ZCWPW2: variants seen among roughly 807,000 people sequenced by gnomAD.
ZCWPW2 encodes zinc finger CW-type PWWP domain protein 2.
Under a neutral mutation model 46.6 loss-of-function variants are expected in ZCWPW2, and 45 were observed. That is an observed-to-expected ratio of 0.96 (90% CI 0.76 to 1.24). The LOEUF is 1.24. ZCWPW2 is among the 50% of genes most tolerant of loss of function. The pLI, the probability that ZCWPW2 is intolerant of heterozygous loss-of-function variation, is 0.00. For missense variants in ZCWPW2, 429 were observed against 403.9 expected (o/e 1.06, Z -0.53); for synonymous variants, 152 against 137.1 (o/e 1.11, Z -0.76).
intron 4 of ZCWPW2, among the ~76,000 whole-genome samples, chr3:28,435,688 G>A (rs1342091670): frequency 2.6e-5 from 4 of 151,918 alleles, no homozygotes; most frequent in South Asian, 2.1e-4. Flanking sequence ...GGGTTTCACC[G>A]TGTTTGGCAG....
At chr3:28,470,217 G>A (rs1209738893) in intron 4 of ZCWPW2, among the ~76,000 whole-genome samples, 3 of 152,102 alleles carry the variant, frequency 2.0e-5, no homozygotes, top group African/African-American at 7.2e-5. Flanking sequence ...AATTTAGGCC[G>A]GGTGCAGTGG....
intron 2 of ZCWPW2, among the ~76,000 whole-genome samples, chr3:28,391,375 A>G (rs1401354723): frequency 1.1e-5 from 1 of 93,292 alleles, no homozygotes; most frequent in Non-Finnish European, 2.9e-5. Flanking sequence ...ACACACACAC[A>G]CATGCACACA....
intron 1 of ZCWPW2, among the ~76,000 whole-genome samples, chr3:28,378,578 G>C (rs1705572734): frequency 6.6e-6 from 1 of 152,022 alleles, no homozygotes; most frequent in South Asian, 2.1e-4. Context: ...TCATTTAACT[G>C]ACTTGCCTTA....
At position 28,521,111 on chromosome 3, in the gene ZCWPW2, G is replaced by A; in HGVS notation, c.904G>A (p.Glu302Lys). ...ACATGGAGAGGAAATAAATATGGGAGAAAAGGTAATATTGATAGTTATTTT... is the reference window on the plus strand; with the variant it reads ...ACATGGAGAGGAAATAAATATGGGAAAAAAGGTAATATTGATAGTTATTTT... Reference protein sequence around the residue: ...EGHGEEINMGEKLSKCSPEAP... With the variant: ...EGHGEEINMGKKLSKCSPEAP... The change falls in exon 9 of 10, where the codon GAA becomes AAA. Residue 302 changes from glutamate to lysine, a missense_variant. Physicochemically the swap from Glu to Lys is moderately conservative, Grantham distance 56. Coordinates refer to ENST00000383768, the MANE Select transcript of ZCWPW2 (RefSeq NM_001040432.4). 1 of 1,599,634 alleles carries A rather than the reference G, an allele frequency of 6.3e-7. No homozygotes were observed. The highest frequency in any genetic ancestry group is 8.5e-7 in the Non-Finnish European group (1 of 1,175,830).
chr3:28,377,726 C>CA (rs548310684), intron 1 of ZCWPW2, among the ~76,000 whole-genome samples: 228 of 152,160 alleles, frequency 1.5e-3, no homozygotes, highest in Middle Eastern at 3.4e-3. Context: ...TATTTGAAGA[C>CA]AGTCTGAAGA....
chr3:28,503,504 CA>C (rs771545149), intron 6 of ZCWPW2, among the ~76,000 whole-genome samples: 1 of 151,970 alleles, frequency 6.6e-6, no homozygotes, highest in Non-Finnish European at 1.5e-5. Context: ...CCATCAAAAC[CA>C]AAACCAGTAT....
chr3:28,526,305 C>T lies in ZCWPW2; in HGVS notation c.*1617C>T, dbSNP rs1365909701. On this transcript the variant is annotated 3_prime_UTR_variant, in exon 10 of 10. Transcript: ENST00000383768. Reference sequence around the variant, plus strand: ...CTGTTATATCATTTAATCTACTACTCATCAATATCAGAGTTCTTTCTTTCT... The same window carrying T: ...CTGTTATATCATTTAATCTACTACTTATCAATATCAGAGTTCTTTCTTTCT... 1.3e-5 allele frequency among the ~76,000 whole-genome samples: 2 copies of T among 152,146 alleles called. No individual in the cohort carries two copies. Among genetic ancestry groups the T allele is most frequent in the East Asian group, 1.9e-4 (1 of 5,196 alleles).
chr3:28,461,292 C>A (rs998352370), intron 4 of ZCWPW2, among the ~76,000 whole-genome samples: 3 of 152,000 alleles, frequency 2.0e-5, no homozygotes, highest in African/African-American at 4.8e-5. Context: ...ATACTAAGAA[C>A]ATTTGATTGA....
chr3:28,448,027 ATTG>A, intron 4 of ZCWPW2: 1 of 377,246 alleles, frequency 2.7e-6, no homozygotes, highest in African/African-American at 2.0e-5. Flanking sequence ...GGAGCAGAAA[ATTG>A]TTGTGAAATT....
In ZCWPW2 at chr3:28,513,206, G is replaced by C. The variant is rs1325831440; in HGVS notation, c.658-858G>C. On this transcript the variant is annotated intron_variant, in intron 6 of 9. Coordinates refer to ENST00000383768, the MANE Select transcript of ZCWPW2 (RefSeq NM_001040432.4). ...TTTTTCTTCTCCAAATGATCTATAT[G>C]CTCTTAATACTTGTGAATTACAAAG... Among the ~76,000 whole-genome samples, 5 of 152,022 alleles carry C rather than the reference G, an allele frequency of 3.3e-5. No individual in the cohort carries two copies. In the East Asian group the frequency reaches 5.8e-4, roughly 18 times the overall value.
At chr3:28,385,058 A>T (rs1455189557) in intron 1 of ZCWPW2, among the ~76,000 whole-genome samples, 1 of 152,244 alleles carries the variant, frequency 6.6e-6, no homozygotes, top group East Asian at 1.9e-4. Flanking sequence ...TTATTGTAAG[A>T]ATCACAAATA....
At chr3:28,388,885 G>A (rs1695380053) in intron 1 of ZCWPW2, among the ~76,000 whole-genome samples, 1 of 152,054 alleles carries the variant, frequency 6.6e-6, no homozygotes, top group Non-Finnish European at 1.5e-5. Context: ...CACAGTACGT[G>A]GTAATACTGA....
At chr3:28,372,601 T>C (rs1472978713) in intron 1 of ZCWPW2, among the ~76,000 whole-genome samples, 3 of 152,200 alleles carry the variant, frequency 2.0e-5, no homozygotes, top group Non-Finnish European at 4.4e-5. Context: ...ATTTACAACC[T>C]TTTTTGGCAA....
chr3:28,422,422 G>T (rs556250994), intron 3 of ZCWPW2, among the ~76,000 whole-genome samples: 19 of 151,856 alleles, frequency 1.3e-4, no homozygotes, highest in South Asian at 6.2e-4. Context: ...TCTTTCTACC[G>T]TCTTCATAGT....
chr3:28,474,832 TTGTTG>T lies in ZCWPW2; in HGVS notation c.493-3980_493-3976del, dbSNP rs1398593977. ...GTTGTTGTTGTTGTTGTTGTTGTTGTTGTTGTTGTTTGTTTGAGACGGAGTCTCGC... is the reference window on the plus strand; with the variant it reads ...GTTGTTGTTGTTGTTGTTGTTGTTGTTTGTTTGTTTGAGACGGAGTCTCGC... On this transcript the variant is annotated intron_variant, in intron 4 of 9. Coordinates refer to ENST00000383768, the MANE Select transcript of ZCWPW2 (RefSeq NM_001040432.4). Among the ~76,000 whole-genome samples, 10 of 150,048 alleles carry T rather than the reference TTGTTG, an allele frequency of 6.7e-5. No homozygotes were observed. In the East Asian group the frequency reaches 2.0e-3, roughly 30 times the overall value.
At chr3:28,473,967 G>C (rs374520074) in intron 4 of ZCWPW2, among the ~76,000 whole-genome samples, 2 of 152,060 alleles carry the variant, frequency 1.3e-5, no homozygotes, top group Admixed American at 6.6e-5. Flanking sequence ...TAGCACAAAA[G>C]GGTGACTATA....
chr3:28,421,639 A>G (rs1696794415), intron 3 of ZCWPW2, among the ~76,000 whole-genome samples: 1 of 151,950 alleles, frequency 6.6e-6, no homozygotes, highest in Non-Finnish European at 1.5e-5. Context: ...TGAGGAATAT[A>G]AAGTGCAAGA....
At chr3:28,359,490 TA>T (rs1289815607) in intron 1 of ZCWPW2, among the ~76,000 whole-genome samples, 2 of 152,032 alleles carry the variant, frequency 1.3e-5, no homozygotes, top group African/African-American at 4.8e-5. Flanking sequence ...TGGATAAAAA[TA>T]ATAGCTTGAG....
intron 8 of ZCWPW2, 118 bp downstream of exon 8, chr3:28,515,739 G>A: frequency 6.4e-6 from 5 of 787,144 alleles, no homozygotes; most frequent in Non-Finnish European, 9.9e-6. Context: ...GTGTGTGTGT[G>A]TGTGTGTATA....
Sources: allele counts gnomAD v4.1 joint callset (sites outside exome capture counted in the v4.1 genomes callset), GRCh38; gene constraint gnomAD v4.1.1; transcripts MANE v1.5; gene names NCBI Gene and HGNC (gene_info 2026-07-23, HGNC 2026-07-21).